SAP30BP: variants seen among roughly 807,000 people sequenced by gnomAD.
SAP30BP encodes the protein SAP30-binding protein.
A neutral mutation model predicts 46.3 loss-of-function variants in SAP30BP; 31 were observed. The observed-to-expected ratio is 0.67, with a 90% CI of 0.50 to 0.90. The LOEUF is 0.90. Among genes scored for constraint, SAP30BP ranks in the 40% least tolerant of loss-of-function variants. The pLI, the probability that SAP30BP is intolerant of heterozygous loss-of-function variation, is 0.00. For synonymous variants in SAP30BP, 169 were observed against 144.2 expected (o/e 1.17, Z -1.23); for missense variants, 312 against 391.0 (o/e 0.80, Z 1.70).
intron 4 of SAP30BP, 117 bp from the exon 5 acceptor site, chr17:75,699,666 C>A: frequency 1.5e-6 from 1 of 683,018 alleles, no homozygotes; most frequent in Non-Finnish European, 2.6e-6. Flanking sequence ...CTCAGTTGTA[C>A]TGTTTTCATA....
chr17:75,695,955 T>A (rs1042059978), intron 4 of SAP30BP, among the ~76,000 whole-genome samples: 2 of 152,076 alleles, frequency 1.3e-5, no homozygotes, highest in Non-Finnish European at 2.9e-5. Flanking sequence ...TACTCCACCG[T>A]CCCCTGGGGC....
At position 75,708,037 on chromosome 17, in the gene SAP30BP, T is replaced by G. The variant is rs2060524254; in HGVS notation, c.*1516T>G. On this transcript the variant is annotated 3_prime_UTR_variant, in exon 11 of 11. Transcript: ENST00000584667. ...CCAGAGGTGACTTATGCAAAAGCTT[T>G]ATAAACTGTAAAGTTCCTGCCAGTG... 6.6e-6 allele frequency: 1 copy of G among 152,170 alleles called. No individual in the cohort carries two copies. Among genetic ancestry groups the G allele is most frequent in the Non-Finnish European group, 1.5e-5 (1 of 68,028 alleles). The allele number at this position is 152,170 out of a possible 1,614,324, so 9.4% of individuals were successfully genotyped here. A position where few individuals can be genotyped will look rare whatever the true frequency, so the allele number is the denominator to read the frequency against.
At chr17:75,692,180 A>G in intron 3 of SAP30BP, 1 of 975,056 alleles carries the variant, frequency 1.0e-6, no homozygotes, top group East Asian at 1.1e-4. Context: ...GGCCTGTCCC[A>G]GCATCAGGAG....
chr17:75,703,610 C>T (rs886879554), intron 7 of SAP30BP, 198 bp from the exon 8 acceptor site: 17 of 641,344 alleles, frequency 2.7e-5, no homozygotes, highest in Non-Finnish European at 4.5e-5. Flanking sequence ...CCTGCTGCTC[C>T]TGGGGTTCGC....
intron 4 of SAP30BP, among the ~76,000 whole-genome samples, chr17:75,699,480 C>T (rs1214677963): frequency 1.3e-5 from 2 of 151,662 alleles, no homozygotes; most frequent in Non-Finnish European, 2.9e-5. Flanking sequence ...GCGTGAGCCA[C>T]CGCACCCAGC....
At chr17:75,703,259 C>T in intron 6 of SAP30BP, 52 bp from the exon 7 acceptor site, 2 of 1,566,366 alleles carry the variant, frequency 1.3e-6, no homozygotes, top group South Asian at 2.2e-5. Context: ...GGTTCAGGTC[C>T]CATGCAGGGA....
chr17:75,701,005 A>T (rs960828824), intron 5 of SAP30BP, among the ~76,000 whole-genome samples: 1 of 152,090 alleles, frequency 6.6e-6, no homozygotes, highest in Admixed American at 6.5e-5. Context: ...CCTTCTGTAT[A>T]TGGCTCCCTC....
chr17:75,701,311 C>T (rs820233), intron 5 of SAP30BP, among the ~76,000 whole-genome samples: 57,840 of 152,056 alleles, frequency 0.38, 11,422 homozygotes, highest in East Asian at 0.56. Flanking sequence ...GGGCCAGTGC[C>T]CGCCTTCCTT....
At chr17:75,677,776 T>TA (rs376976601) in intron 3 of SAP30BP, among the ~76,000 whole-genome samples, 26 of 142,080 alleles carry the variant, frequency 1.8e-4, no homozygotes, top group Middle Eastern at 3.5e-3. Flanking sequence ...TTTTTTTTTT[T>TA]AAATCAAACG....
At chr17:75,705,903 C>G in intron 9 of SAP30BP, 105 bp from the exon 10 acceptor site, 8 of 1,514,796 alleles carry the variant, frequency 5.3e-6, no homozygotes, top group African/African-American at 1.4e-5. Flanking sequence ...TCCAATGCCT[C>G]TTTTGTGTAG....
chr17:75,700,323 C>G (rs1043296976), intron 5 of SAP30BP: 1 of 152,608 alleles, frequency 6.6e-6, no homozygotes, highest in African/African-American at 2.4e-5. Context: ...GATTCAGTAG[C>G]TTCTTCCCTG....
chr17:75,687,644 A>G (rs1271630105), intron 3 of SAP30BP, among the ~76,000 whole-genome samples: 2 of 151,032 alleles, frequency 1.3e-5, no homozygotes, highest in Non-Finnish European at 2.9e-5. Context: ...AAGATGATGC[A>G]GAAAGATGAA....
In SAP30BP at chr17:75,706,139, G is replaced by C. The variant is rs768388377; in HGVS notation, c.745+47G>C. 3 of 1,588,248 alleles carry C rather than the reference G, an allele frequency of 1.9e-6. No individual in the cohort carries two copies. The highest frequency in any genetic ancestry group is 1.1e-5 in the South Asian group (1 of 89,180). On this transcript the variant is annotated intron_variant, in intron 10 of 10. Transcript: ENST00000584667. This position sits in a 1 kb window ranked among gnomAD's most constrained non-coding sequence, Gnocchi z 4.6. ...CCTCCTGCCACACACATGGAGCCAG[G>C]GTCTCCCTGGCTTGTTTGGGCGACA...
chr17:75,697,668 C>T (rs924231658), intron 4 of SAP30BP, among the ~76,000 whole-genome samples: 6 of 152,218 alleles, frequency 3.9e-5, no homozygotes, highest in Admixed American at 1.3e-4. Flanking sequence ...TGAAAATCAA[C>T]ACATGAAGTC....
intron 5 of SAP30BP, among the ~76,000 whole-genome samples, chr17:75,701,079 C>T (rs1463747166): frequency 6.6e-6 from 1 of 152,134 alleles, no homozygotes; most frequent in African/African-American, 2.4e-5. Flanking sequence ...AGTCACAGAC[C>T]TCTCTCTGCA....
At chr17:75,675,144 G>GT (rs1013073489) in intron 3 of SAP30BP, among the ~76,000 whole-genome samples, 35 of 152,066 alleles carry the variant, frequency 2.3e-4, no homozygotes, top group African/African-American at 6.7e-4. Flanking sequence ...GTTTTTTGTT[G>GT]TTTTTTTGTT....
chr17:75,697,324 C>T (rs188221372), intron 4 of SAP30BP, among the ~76,000 whole-genome samples: 1 of 152,130 alleles, frequency 6.6e-6, no homozygotes, highest in Non-Finnish European at 1.5e-5. Context: ...AGGACCAGCT[C>T]CCCCCAGCTG....
chr17:75,673,459 A>G (rs946144320), intron 3 of SAP30BP, among the ~76,000 whole-genome samples: 4 of 152,126 alleles, frequency 2.6e-5, no homozygotes, highest in African/African-American at 9.7e-5. Context: ...TGGAGCCTGC[A>G]CGTAAAACAA....
At chr17:75,683,070 A>G (rs2060107831) in intron 3 of SAP30BP, among the ~76,000 whole-genome samples, 1 of 143,380 alleles carries the variant, frequency 7.0e-6, no homozygotes, top group African/African-American at 2.5e-5. Flanking sequence ...TTTGAGACAG[A>G]GTCTCACTCT....
Sources: gnomAD v4.1 joint callset for allele counts (sites outside exome capture counted in the v4.1 genomes callset) on GRCh38, gnomAD v4.1.1 for gene constraint, Gnocchi (gnomAD v3.1) non-coding constraint, MANE v1.5 for transcripts, NCBI Gene and HGNC (gene_info 2026-07-23, HGNC 2026-07-21) for gene names.